ANAPC4: variants seen among roughly 807,000 people sequenced by gnomAD.
ANAPC4 encodes anaphase-promoting complex subunit 4.
ANAPC4 carries 63 observed loss-of-function variants against 119.8 expected under a neutral mutation model. The ratio of observed to expected loss-of-function variants is 0.53; its 90% CI spans 0.43 to 0.65. The LOEUF (loss-of-function observed/expected upper bound fraction) is 0.65, where lower values mean the gene tolerates loss of function less well. Ranked by LOEUF, ANAPC4 falls within the 30% of genes least tolerant of loss-of-function variation. The pLI is 0.00. For missense variants in ANAPC4, 716 were observed against 945.1 expected, an observed-to-expected ratio of 0.76 and a Z score of 3.18; for synonymous variants, 283 against 318.6, an observed-to-expected ratio of 0.89 and a Z score of 1.19.
chr4:25,381,833 A>G (rs1721745713), intron 3 of ANAPC4, among the ~76,000 whole-genome samples: 1 of 152,122 alleles, frequency 6.6e-6, no homozygotes, highest in African/African-American at 2.4e-5. Context: ...CTGTAATCCC[A>G]GCTTCTCAGG....
chr4:25,385,928 TTTATTTA>T (rs1249498258), intron 4 of ANAPC4, among the ~76,000 whole-genome samples: 1 of 152,162 alleles, frequency 6.6e-6, no homozygotes, highest in Non-Finnish European at 1.5e-5. Flanking sequence ...TTTATTTTTA[TTTATTTA>T]TTATTTATTT....
rs964295607 is a variant in ANAPC4, at chr4:25,405,064, T to C, written c.1271-509T>C. 3.3e-5 allele frequency among the ~76,000 whole-genome samples: 5 copies of C among 151,474 alleles called. No individual in the cohort carries two copies. The highest frequency in any genetic ancestry group is 1.3e-4 in the Admixed American group (2 of 15,152). On this transcript the variant is annotated intron_variant, in intron 17 of 28. Transcript: ENST00000315368. This position sits in a 1 kb window ranked among gnomAD's most constrained non-coding sequence, Gnocchi z 4.6. ...TAGGTGGAACGTAATACAAAACACA[T>C]AGTACTGATGAGGACAATCCTGTGA...
chr4:25,409,936 G>A, intron 21 of ANAPC4, 145 bp downstream of exon 21: 1 of 593,782 alleles, frequency 1.7e-6, no homozygotes. Context: ...TATAGGAACA[G>A]CAAAATAACC....
intron 7 of ANAPC4, among the ~76,000 whole-genome samples, chr4:25,389,776 C>A (rs1233165568): frequency 1.3e-5 from 2 of 151,654 alleles, no homozygotes; most frequent in Non-Finnish European, 2.9e-5. Context: ...TTTTTTAAGC[C>A]CATTTAATAT....
At position 25,405,590 on chromosome 4, in the gene ANAPC4, G is replaced by A. The variant is rs747424967; in HGVS notation, c.1288G>A (p.Glu430Lys). The A allele has an allele frequency of 6.2e-7, 1 of 1,613,630 alleles. No homozygotes were observed. The change falls in exon 18 of 29, where the codon GAA becomes AAA. Residue 430 changes from glutamate (E) to lysine (K), a missense_variant. Transcript: ENST00000315368. This position sits in a 1 kb window ranked among gnomAD's most constrained non-coding sequence, Gnocchi z 4.6. ...ATTTCCAGCAATGTTGAGAATGACA[G>A]AAGACCATGTGCTTCCCGAGCTGAA... ...WLYVAMLRMT[E>K]DHVLPELNKM...
intron 20 of ANAPC4, among the ~76,000 whole-genome samples, chr4:25,409,047 C>T (rs1723425931): frequency 6.6e-6 from 1 of 152,176 alleles, no homozygotes; most frequent in Admixed American, 6.5e-5. Flanking sequence ...GGCTGAGACA[C>T]TTACAGCTTT....
intron 7 of ANAPC4, 111 bp from the exon 8 acceptor site, chr4:25,390,025 A>T: frequency 1.5e-6 from 1 of 650,162 alleles, no homozygotes; most frequent in Non-Finnish European, 2.6e-6. Flanking sequence ...TCTGCAGGGG[A>T]GCTTTAGCAT....
intron 17 of ANAPC4, among the ~76,000 whole-genome samples, chr4:25,403,288 A>T (rs1723077412): frequency 6.6e-6 from 1 of 152,140 alleles, no homozygotes; most frequent in Admixed American, 6.5e-5. Context: ...TGGAGTACTC[A>T]TGATAATCTA....
chr4:25,404,975 A>T (rs535170398), intron 17 of ANAPC4, among the ~76,000 whole-genome samples: 1 of 151,992 alleles, frequency 6.6e-6, no homozygotes, highest in South Asian at 2.1e-4. Context: ...TTACTGACCA[A>T]ATGCAATTAA....
At chr4:25,397,261 G>A (rs995172881) in intron 16 of ANAPC4, among the ~76,000 whole-genome samples, 1 of 152,132 alleles carries the variant, frequency 6.6e-6, no homozygotes, top group African/African-American at 2.4e-5. Flanking sequence ...TTCTTAGACT[G>A]TTAGGCTTGC....
intron 3 of ANAPC4, 180 bp downstream of exon 3, chr4:25,380,659 C>T: frequency 2.4e-6 from 1 of 423,292 alleles, no homozygotes; most frequent in Non-Finnish European, 4.1e-6. Context: ...ATTCTGCTAT[C>T]TTGTTTCTTG....
At position 25,405,118 on chromosome 4, in the gene ANAPC4, T is replaced by C. The variant is rs1395564774; in HGVS notation, c.1271-455T>C. On this transcript the variant is annotated intron_variant, in intron 17 of 28. Coordinates refer to ENST00000315368, the MANE Select transcript of ANAPC4 (RefSeq NM_013367.3). The surrounding 1 kb of genome is among the most constrained non-coding windows in gnomAD (Gnocchi z 4.6). ...GACGGAGAGAGTCAACCACAGATAC[T>C]AGATCAAAGAAAAGTACATAAATAT... Among the ~76,000 whole-genome samples the C allele has an allele frequency of 6.6e-6, 1 of 150,500 alleles. No homozygotes were observed. Among genetic ancestry groups the C allele is most frequent in the Non-Finnish European group, 1.5e-5 (1 of 67,726 alleles).
chr4:25,388,653 A>C, intron 5 of ANAPC4, 64 bp from the exon 6 acceptor site: 1 of 1,561,130 alleles, frequency 6.4e-7, no homozygotes, highest in East Asian at 2.2e-5. Context: ...CAATTTTCTC[A>C]TGCGTTTTAA....
chr4:25,400,233 A>G (rs115682223), intron 16 of ANAPC4, among the ~76,000 whole-genome samples: 6 of 152,218 alleles, frequency 3.9e-5, no homozygotes, highest in African/African-American at 1.4e-4. Flanking sequence ...TATGGATGGA[A>G]TGATCTAGAA....
chr4:25,389,712 T>C (rs1015346481), intron 7 of ANAPC4, among the ~76,000 whole-genome samples: 1 of 152,226 alleles, frequency 6.6e-6, no homozygotes, highest in Admixed American at 6.5e-5. Flanking sequence ...TATGTTTATT[T>C]TAATAAGTTA....
chr4:25,377,379 G>C, intron 1 of ANAPC4, 35 bp downstream of exon 1: 1 of 1,602,454 alleles, frequency 6.2e-7, no homozygotes, highest in Non-Finnish European at 8.5e-7. Context: ...GTGGAGAGCC[G>C]GGGGCTCCTG....
In ANAPC4 at chr4:25,377,523, G is replaced by A; in HGVS notation, c.96G>A (p.Arg32=). 1 of 1,613,454 alleles carries A rather than the reference G, an allele frequency of 6.2e-7. No homozygotes were observed. The highest frequency in any genetic ancestry group is 8.5e-7 in the Non-Finnish European group (1 of 1,179,860). Residue 32 remains arginine, a synonymous_variant, in exon 2 of 29, where the codon CGG becomes CGA. Coordinates refer to ENST00000315368, the MANE Select transcript of ANAPC4 (RefSeq NM_013367.3). ...TTTTCCTGGTCTGGTCGCCCAAGCG[G>A]GATCTCATTGCTTTGGCCAACACAG... The part of the protein sequence containing the change: ...EIIFLVWSPK[R]DLIALANTAG...
rs1157354388 is a variant in ANAPC4, at chr4:25,396,689, T to C, written c.1087T>C (p.Leu363=). ...QSGSESLLYH[L]SELKGMASWK... is the part of the protein sequence containing the mutation. ...TGGCTCGGAGTCTTTATTATACCATTTGAGTGAATTGAAAGGAATGGCTTC... is the reference window on the plus strand; with the variant it reads ...TGGCTCGGAGTCTTTATTATACCATCTGAGTGAATTGAAAGGAATGGCTTC... Residue 363 remains leucine, a synonymous_variant, in exon 15 of 29, where the codon TTG becomes CTG. Coordinates refer to ENST00000315368, the MANE Select transcript of ANAPC4 (RefSeq NM_013367.3). The C allele has an allele frequency of 6.2e-7, 1 of 1,613,038 alleles. No individual in the cohort carries two copies.
chr4:25,390,702 T>C (rs1295612930), intron 8 of ANAPC4, among the ~76,000 whole-genome samples: 1 of 152,110 alleles, frequency 6.6e-6, no homozygotes, highest in Non-Finnish European at 1.5e-5. Context: ...GAGACTTGGG[T>C]AGGGGTGAGG....
Sources: allele counts gnomAD v4.1 joint callset (sites outside exome capture counted in the v4.1 genomes callset), GRCh38; gene constraint gnomAD v4.1.1; non-coding constraint Gnocchi (gnomAD v3.1); transcripts MANE v1.5; gene names NCBI Gene and HGNC (gene_info 2026-07-23, HGNC 2026-07-21).